The following KIF18B variants were observed in gnomAD, a reference collection of about 807,000 sequenced individuals.
KIF18B encodes the protein kinesin-like protein KIF18B.
In KIF18B, 49 loss-of-function variants were observed where a neutral mutation model predicts 80.9. The ratio of observed to expected loss-of-function variants is 0.61; its 90% CI spans 0.48 to 0.77. The LOEUF (loss-of-function observed/expected upper bound fraction) is 0.77, where lower values mean the gene tolerates loss of function less well. Among genes scored for constraint, KIF18B ranks in the 30% least tolerant of loss-of-function variants. The pLI is 0.00. For missense variants in KIF18B, 994 were observed against 1,127.7 expected, an observed-to-expected ratio of 0.88 and a Z score of 1.70; for synonymous variants, 439 against 463.9, an observed-to-expected ratio of 0.95 and a Z score of 0.69.
rs749643934 is a variant in KIF18B at position 44,929,003 on chromosome 17, G to A, written c.1539C>T (p.Cys513=). Residue 513 remains cysteine (C), a synonymous_variant, in exon 12 of 16, where the codon TGC becomes TGT. Transcript: ENST00000593135. ...GCAGGGAGTACTGCCGCTGGGCAACGCACAGCACCTTTAGGGCCAACCTGG... is the reference window on the plus strand; with the variant it reads ...GCAGGGAGTACTGCCGCTGGGCAACACACAGCACCTTTAGGGCCAACCTGG... ...RSKQLALKVL[C]VAQRQYSLLQ... The A allele has an allele frequency of 1.1e-5, 18 of 1,613,992 alleles. No homozygotes were observed. Among genetic ancestry groups the A allele is most frequent in the Admixed American group, 3.3e-5 (2 of 60,036 alleles).
Position 44,934,838 on chromosome 17 carries a change from A to G in KIF18B, c.569T>C (p.Phe190Ser). The G allele has an allele frequency of 6.5e-7, 1 of 1,546,846 alleles. No homozygotes were observed. Among genetic ancestry groups the G allele is most frequent in the Non-Finnish European group, 8.7e-7 (1 of 1,143,176 alleles). The change falls in exon 4 of 16, where the codon TTC (phenylalanine) becomes TCC (serine). Residue 190 changes from phenylalanine to serine, a missense_variant. Physicochemically the swap from Phe to Ser is radical, Grantham distance 155. Coordinates refer to ENST00000593135, the MANE Select transcript of KIF18B (RefSeq NM_001265577.2). This position sits in a 1 kb window ranked among gnomAD's most constrained non-coding sequence, Gnocchi z 5.4. ...DKGVVVQGLS[F>S]HQPASAEQLL... is the part of the protein sequence containing the mutation. The stretch of plus-strand genomic sequence containing the variant: ...CCGAGCCCAATCCCACACCTGGTGG[A>G]AAGAAAGTCCTTGCACCACCACCCC...
At chr17:44,926,527 AG>A in intron 14 of KIF18B, 28 bp from the exon 15 acceptor site, 1 of 1,557,668 alleles carries the variant, frequency 6.4e-7, no homozygotes, top group Non-Finnish European at 8.7e-7. Context: ...GGAAGGTGGA[AG>A]GTTACGGCCC....
chr17:44,944,960 A>C (rs991452094), intron 1 of KIF18B, among the ~76,000 whole-genome samples: 4 of 152,150 alleles, frequency 2.6e-5, no homozygotes, highest in African/African-American at 9.7e-5. Flanking sequence ...TTCTCCATCA[A>C]TATTGCCAGA....
chr17:44,943,454 T>C (rs1453109402), intron 1 of KIF18B, among the ~76,000 whole-genome samples: 1 of 152,126 alleles, frequency 6.6e-6, no homozygotes, highest in East Asian at 1.9e-4. Flanking sequence ...ATAGCGTTGT[T>C]AGTTTCTTTC....
chr17:44,942,407 G>A (rs1597897383), intron 1 of KIF18B, among the ~76,000 whole-genome samples: 1 of 152,186 alleles, frequency 6.6e-6, no homozygotes, highest in African/African-American at 2.4e-5. Context: ...GACAGGTCCA[G>A]TGAGCCCAAG....
intron 1 of KIF18B, among the ~76,000 whole-genome samples, chr17:44,944,257 GA>G (rs2052470563): frequency 6.8e-6 from 1 of 146,284 alleles, no homozygotes; most frequent in Non-Finnish European, 1.5e-5. Context: ...TTTCTTTTTT[GA>G]GATGGAGTTT....
intron 1 of KIF18B, among the ~76,000 whole-genome samples, chr17:44,946,459 G>T (rs1313419904): frequency 6.6e-6 from 1 of 152,326 alleles, no homozygotes; most frequent in Admixed American, 6.5e-5. Flanking sequence ...ATAACATTGA[G>T]ATGTTCTCCT....
chr17:44,925,630 A>G lies in KIF18B; in HGVS notation c.*450T>C. ...ACCCCCTCTCTATTAAAAAGACGAA[A>G]ATTAGCTGGGTGTGGTGATGGGTGC... is the stretch of plus-strand genomic sequence containing the variant. On this transcript the variant is annotated 3_prime_UTR_variant, in exon 16 of 16. Transcript: ENST00000593135. 4.8e-6 allele frequency: 1 copy of G among 208,966 alleles called. No individual in the cohort carries two copies. The highest frequency in any genetic ancestry group is 9.4e-6 in the Non-Finnish European group (1 of 105,926). 12.9% of individuals were successfully genotyped at this position (208,966 alleles called of 1,614,324 possible). A position where few individuals can be genotyped will look rare whatever the true frequency, so the allele number is the denominator to read the frequency against.
rs1406960108 is a variant in KIF18B at position 44,934,852 on chromosome 17, C to T, written c.555G>A (p.Val185=). The change falls in exon 4 of 16, where the codon GTG becomes GTA. Residue 185 remains valine, a synonymous_variant. Transcript: ENST00000593135. The surrounding 1 kb of genome is among the most constrained non-coding windows in gnomAD (Gnocchi z 5.4). ...IREDPDKGVV[V]QGLSFHQPAS... is the part of the protein sequence containing the mutation. ...ACACCTGGTGGAAAGAAAGTCCTTG[C>T]ACCACCACCCCCTTGTCGGGGTCCT... is the stretch of plus-strand genomic sequence containing the variant. The T allele has an allele frequency of 1.3e-6, 2 of 1,549,400 alleles. No individual in the cohort carries two copies. The highest frequency in any genetic ancestry group is 1.7e-6 in the Non-Finnish European group (2 of 1,145,102).
chr17:44,928,867 C>G lies in KIF18B; in HGVS notation c.1675G>C (p.Gly559Arg), dbSNP rs113401624. 2.9e-3 allele frequency: 4,701 copies of G among 1,613,930 alleles called. 81 individuals are homozygous for G. In the African/African-American group the frequency reaches 0.046, roughly 16 times the overall value. The change falls in exon 12 of 16, where the codon GGC becomes CGC. Residue 559 changes from glycine (G) to arginine (R), a missense_variant. Transcript: ENST00000593135. ...EPGAEALRTSGLARGAPLAQE... is the reference protein window; with the variant it reads ...EPGAEALRTSRLARGAPLAQE... ...GCCAGAGGTGCCCCCCTGGCCAGGCCTGAAGTCCTCAAGGCCTCTGCCCCA... is the reference window on the plus strand; with the variant it reads ...GCCAGAGGTGCCCCCCTGGCCAGGCGTGAAGTCCTCAAGGCCTCTGCCCCA...
chr17:44,925,626 C>T lies in KIF18B; in HGVS notation c.*454G>A, dbSNP rs552160516. 2.9e-5 allele frequency: 6 copies of T among 206,334 alleles called. No homozygotes were observed. The highest frequency in any genetic ancestry group is 3.7e-4 in the East Asian group (2 of 5,340). The allele number at this position is 206,334 out of a possible 1,614,324, so 12.8% of individuals were successfully genotyped here. A position where few individuals can be genotyped will look rare whatever the true frequency, so the allele number is the denominator to read the frequency against. The stretch of plus-strand genomic sequence containing the variant: ...AAAAACCCCCTCTCTATTAAAAAGA[C>T]GAAAATTAGCTGGGTGTGGTGATGG... On this transcript the variant is annotated 3_prime_UTR_variant, in exon 16 of 16. Transcript: ENST00000593135.
In KIF18B at chr17:44,927,886, A is replaced by G; in HGVS notation, c.2276+140T>C. 2 of 757,644 alleles carry G rather than the reference A, an allele frequency of 2.6e-6. No homozygotes were observed. The highest frequency in any genetic ancestry group is 3.8e-6 in the Non-Finnish European group (2 of 519,588). 46.9% of individuals were successfully genotyped at this position (757,644 alleles called of 1,614,324 possible). ...GGCAGCTGTTGGGCCTGGGGAGCAA[A>G]GCGGATCACAACCAAAGTGGAACAG... On this transcript the variant is annotated intron_variant, in intron 13 of 15. Coordinates refer to ENST00000593135, the MANE Select transcript of KIF18B (RefSeq NM_001265577.2). The surrounding 1 kb of genome is among the most constrained non-coding windows in gnomAD (Gnocchi z 4.1).
At chr17:44,947,211 G>A (rs2052528951) in intron 1 of KIF18B, among the ~76,000 whole-genome samples, 1 of 151,920 alleles carries the variant, frequency 6.6e-6, no homozygotes. Context: ...GTGGAGGGGG[G>A]CTTACATACT....
chr17:44,936,584 CTCTCTCTCTCTCTCTATATATATA>C (rs1160814552), intron 1 of KIF18B, among the ~76,000 whole-genome samples: 42 of 57,880 alleles, frequency 7.3e-4, no homozygotes, highest in African/African-American at 2.5e-3. Context: ...CTCTCTCTCT[CTCTCTCTCTCTCTCTATATATATA>C]TATATATATA....
intron 7 of KIF18B, 32 bp downstream of exon 7, chr17:44,933,891 C>T: frequency 1.3e-6 from 2 of 1,532,866 alleles, no homozygotes; most frequent in Non-Finnish European, 1.8e-6. Flanking sequence ...TGGAGCTGCC[C>T]CACGCCCAAG....
In KIF18B at chr17:44,928,189, C is replaced by A. The variant is rs200684437; in HGVS notation, c.2113G>T (p.Ala705Ser). 1 of 1,611,612 alleles carries A rather than the reference C, an allele frequency of 6.2e-7. No individual in the cohort carries two copies. The highest frequency in any genetic ancestry group is 1.1e-5 in the South Asian group (1 of 90,766). Reference protein sequence around the residue: ...IKSRVPLGPSAMQNCSTPLAL... With the variant: ...IKSRVPLGPSSMQNCSTPLAL... ...AGCGGGGTGGAGCAGTTCTGCATGG[C>A]GGAAGGGCCCAGGGGCACCCGGCTT... The change falls in exon 13 of 16, where the codon GCC (alanine) becomes TCC (serine). Residue 705 changes from alanine (A) to serine (S), a missense_variant. Coordinates refer to ENST00000593135, the MANE Select transcript of KIF18B (RefSeq NM_001265577.2).
Position 44,947,623 on chromosome 17 carries a change from C to G in KIF18B, c.-15+5G>C, listed in dbSNP as rs2052537379. The G allele has an allele frequency of 6.6e-6, 1 of 152,592 alleles. No homozygotes were observed. Among genetic ancestry groups the G allele is most frequent in the Non-Finnish European group, 1.5e-5 (1 of 68,346 alleles). 9.5% of individuals were successfully genotyped at this position (152,592 alleles called of 1,614,324 possible). A position where few individuals can be genotyped will look rare whatever the true frequency, so the allele number is the denominator to read the frequency against. On this transcript the variant is annotated splice_donor_5th_base_variant and intron_variant, in intron 1 of 15. Transcript: ENST00000593135. ...CGGTCGGTTCCGCCGTGGGCCAGGACTTACCTTTCGTCGGTTCTCCGCCGC... is the reference window on the plus strand; with the variant it reads ...CGGTCGGTTCCGCCGTGGGCCAGGAGTTACCTTTCGTCGGTTCTCCGCCGC...
At chr17:44,936,923 T>C (rs1415570549) in intron 1 of KIF18B, among the ~76,000 whole-genome samples, 1 of 151,628 alleles carries the variant, frequency 6.6e-6, no homozygotes, top group Non-Finnish European at 1.5e-5. Flanking sequence ...ATTACAGGCA[T>C]GAGCCACCGC....
At chr17:44,943,809 GC>G (rs1269160587) in intron 1 of KIF18B, among the ~76,000 whole-genome samples, 1 of 152,168 alleles carries the variant, frequency 6.6e-6, no homozygotes, top group African/African-American at 2.4e-5. Flanking sequence ...CTGGGCTCGA[GC>G]CATCTTCCCA....
Sources: gnomAD v4.1 joint callset for allele counts (sites outside exome capture counted in the v4.1 genomes callset) on GRCh38, gnomAD v4.1.1 for gene constraint, Gnocchi (gnomAD v3.1) non-coding constraint, MANE v1.5 for transcripts, NCBI Gene and HGNC (gene_info 2026-07-23, HGNC 2026-07-21) for gene names.